SETD3: variants seen among roughly 807,000 people sequenced by gnomAD.
The protein encoded by SETD3 is SET domain containing 3, actin N3(tau)-histidine methyltransferase.
SETD3 carries 19 observed loss-of-function variants against 63.0 expected under a neutral mutation model. The observed-to-expected ratio is 0.30, with a 90% CI of 0.21 to 0.44. The LOEUF (loss-of-function observed/expected upper bound fraction) is 0.44, where lower values mean the gene tolerates loss of function less well. Among genes scored for constraint, SETD3 ranks in the 20% least tolerant of loss-of-function variants. The pLI is 1.00. For missense variants in SETD3, 587 were observed against 728.5 expected (o/e 0.81, Z 2.24); for synonymous variants, 286 against 264.1 (o/e 1.08, Z -0.80).
upstream of SETD3, chr14:99,481,245 A>G (rs1442716916): frequency 5.1e-6 from 2 of 394,972 alleles, no homozygotes; most frequent in Non-Finnish European, 8.9e-6. Context: ...CTCCCTCTGT[A>G]AGCAGCAGCC....
At chr14:99,443,083 T>C (rs369392739) in intron 6 of SETD3, among the ~76,000 whole-genome samples, 26 of 152,204 alleles carry the variant, frequency 1.7e-4, no homozygotes, top group African/African-American at 4.6e-4. Context: ...ACAAGGTTAT[T>C]GTGAGGGCGA....
rs548991448 is a variant in SETD3, at chr14:99,399,009, G to T, written c.1455C>A (p.Asn485Lys). The change falls in exon 13 of 13, where the codon AAC becomes AAA. Residue 485 changes from asparagine (N) to lysine (K), a missense_variant. Transcript: ENST00000331768. ...CCATCTGTTGGCGATAGTATTCCCG[G>T]TTGACAGCTGCACTCTTTACTGCTT... ...LEKAVKSAAV[N>K]REYYRQQMEE... 23 of 1,614,178 alleles carry T rather than the reference G, an allele frequency of 1.4e-5. No homozygotes were observed. The African/African-American group carries it at 1.9e-4, about 13-fold the overall frequency.
At chr14:99,470,625 G>A (rs1019658805) in intron 1 of SETD3, among the ~76,000 whole-genome samples, 2 of 152,088 alleles carry the variant, frequency 1.3e-5, no homozygotes, top group Non-Finnish European at 2.9e-5. Flanking sequence ...GCTCTCCTCA[G>A]TCCCCTGTAC....
intron 6 of SETD3, among the ~76,000 whole-genome samples, chr14:99,442,745 G>T (rs1301974099): frequency 6.6e-6 from 1 of 152,174 alleles, no homozygotes; most frequent in Non-Finnish European, 1.5e-5. Flanking sequence ...TACTGGTAAG[G>T]CCTCTGGTCA....
At chr14:99,403,274 C>G (rs77343305) in intron 11 of SETD3, among the ~76,000 whole-genome samples, 17 of 152,202 alleles carry the variant, frequency 1.1e-4, no homozygotes, top group Admixed American at 1.1e-3. Flanking sequence ...CAGCTTCCCC[C>G]ACATGGGCCA....
intron 6 of SETD3, among the ~76,000 whole-genome samples, chr14:99,448,114 C>T (rs1407392871): frequency 6.6e-6 from 1 of 152,218 alleles, no homozygotes; most frequent in Non-Finnish European, 1.5e-5. Context: ...GCTAGGAGCA[C>T]AGGCTTTGGG....
At chr14:99,405,980 G>A (rs1248652196) in intron 9 of SETD3, among the ~76,000 whole-genome samples, 4 of 152,022 alleles carry the variant, frequency 2.6e-5, no homozygotes, top group African/African-American at 9.7e-5. Context: ...CTGTCTGCTT[G>A]GGTGTAGACT....
At chr14:99,411,709 T>C (rs576028743) in intron 8 of SETD3, 11 of 152,098 alleles carry the variant, frequency 7.2e-5, no homozygotes, top group African/African-American at 1.9e-4. Flanking sequence ...TTACCGTCAA[T>C]TTAAAATAAC....
At chr14:99,424,932 T>TGCACCTGCAC (rs1892798009) in intron 6 of SETD3, among the ~76,000 whole-genome samples, 2 of 152,006 alleles carry the variant, frequency 1.3e-5, no homozygotes, top group African/African-American at 4.8e-5. Flanking sequence ...GCACTAACTG[T>TGCACCTGCAC]TATGGCACCT....
chr14:99,436,066 G>A (rs1157263623), intron 6 of SETD3, among the ~76,000 whole-genome samples: 1 of 152,074 alleles, frequency 6.6e-6, no homozygotes, highest in Non-Finnish European at 1.5e-5. Flanking sequence ...CAAACAAAGG[G>A]GAAAGAGCCC....
At chr14:99,443,337 C>T (rs1292984371) in intron 6 of SETD3, among the ~76,000 whole-genome samples, 3 of 150,156 alleles carry the variant, frequency 2.0e-5, no homozygotes, top group Non-Finnish European at 3.0e-5. Context: ...TTCAAACCTC[C>T]GCCTCCTGGG....
chr14:99,465,490 C>G (rs924563003), intron 2 of SETD3, among the ~76,000 whole-genome samples: 3 of 152,192 alleles, frequency 2.0e-5, no homozygotes, highest in Admixed American at 6.5e-5. Flanking sequence ...TTCACCCAAG[C>G]CTTGTTAACA....
At chr14:99,419,223 T>C (rs1892442860) in intron 6 of SETD3, among the ~76,000 whole-genome samples, 1 of 152,220 alleles carries the variant, frequency 6.6e-6, no homozygotes, top group African/African-American at 2.4e-5. Flanking sequence ...AAAATTTAAA[T>C]ACATCAATAC....
At position 99,459,183 on chromosome 14, in the gene SETD3, T is replaced by G; in HGVS notation, c.348A>C (p.Ala116=). The change falls in exon 5 of 13, where the codon GCA becomes GCC. Residue 116 remains alanine (A), a splice_region_variant and synonymous_variant. Coordinates refer to ENST00000331768, the MANE Select transcript of SETD3 (RefSeq NM_032233.3). ...FGLRATRDIK[A]EELFLWVPRK... ...GTGGAACCCATAAAAACAATTCTTCTGCCTAGGGAAAAAAATAATAATAGG... is the reference window on the plus strand; with the variant it reads ...GTGGAACCCATAAAAACAATTCTTCGGCCTAGGGAAAAAAATAATAATAGG... The G allele has an allele frequency of 6.2e-7, 1 of 1,607,082 alleles. No individual in the cohort carries two copies. Among genetic ancestry groups the G allele is most frequent in the Non-Finnish European group, 8.5e-7 (1 of 1,175,996 alleles).
chr14:99,417,411 T>A (rs945488783), intron 6 of SETD3, among the ~76,000 whole-genome samples: 1 of 152,230 alleles, frequency 6.6e-6, no homozygotes, highest in Non-Finnish European at 1.5e-5. Flanking sequence ...AGTCACATAT[T>A]CCATGAATTT....
chr14:99,455,293 C>G (rs796629627), intron 6 of SETD3, among the ~76,000 whole-genome samples: 10 of 152,340 alleles, frequency 6.6e-5, no homozygotes, highest in African/African-American at 2.4e-4. Flanking sequence ...GACCCCACCC[C>G]ATCATGCATA....
At position 99,404,323 on chromosome 14, in the gene SETD3, G is replaced by A. The variant is rs910806669; in HGVS notation, c.1092-13C>T. The A allele has an allele frequency of 3.1e-6, 5 of 1,612,896 alleles. No homozygotes were observed. The highest frequency in any genetic ancestry group is 4.2e-6 in the Non-Finnish European group (5 of 1,178,984). On this transcript the variant is annotated splice_polypyrimidine_tract_variant and intron_variant, in intron 10 of 12. Transcript: ENST00000331768. The stretch of plus-strand genomic sequence containing the variant: ...AAAAACACTGGAACTGATAAAAGCA[G>A]AAAGCAAGATCAGTCACCCTGCTGC...
intron 1 of SETD3, among the ~76,000 whole-genome samples, chr14:99,473,603 G>A (rs1187355980): frequency 6.6e-6 from 1 of 152,158 alleles, no homozygotes; most frequent in Non-Finnish European, 1.5e-5. Flanking sequence ...TTGACTAAGG[G>A]AGGGAATGGT....
At chr14:99,467,193 A>G (rs1895436061) in intron 1 of SETD3, among the ~76,000 whole-genome samples, 1 of 152,242 alleles carries the variant, frequency 6.6e-6, no homozygotes, top group Non-Finnish European at 1.5e-5. Context: ...TAATATAATA[A>G]GTCTTCTAAA....
Sources: gnomAD v4.1 joint callset for allele counts (sites outside exome capture counted in the v4.1 genomes callset) on GRCh38, gnomAD v4.1.1 for gene constraint, MANE v1.5 for transcripts, NCBI Gene and HGNC (gene_info 2026-07-23, HGNC 2026-07-21) for gene names.